The following MED27 variants were observed in gnomAD, a reference collection of about 807,000 sequenced individuals.
MED27 encodes mediator of RNA polymerase II transcription subunit 27.
In MED27, 30 loss-of-function variants were observed where a neutral mutation model predicts 38.2. The observed-to-expected ratio is 0.79, with a 90% CI of 0.59 to 1.07. The LOEUF is 1.07. MED27 is among the 50% of genes least tolerant of loss of function. MED27 has a pLI of 0.00. For missense variants in MED27, 289 were observed against 397.5 expected, an observed-to-expected ratio of 0.73 and a Z score of 2.32; for synonymous variants, 122 against 153.5, an observed-to-expected ratio of 0.79 and a Z score of 1.52.
At chr9:131,946,820 T>G (rs1648834754) in intron 3 of MED27, among the ~76,000 whole-genome samples, 1 of 152,236 alleles carries the variant, frequency 6.6e-6, no homozygotes, top group Admixed American at 6.5e-5. Context: ...CTATTCATGC[T>G]TCCGTCTTTG....
chr9:131,952,728 C>T (rs1278554778), intron 3 of MED27, among the ~76,000 whole-genome samples: 2 of 152,242 alleles, frequency 1.3e-5, no homozygotes, highest in Non-Finnish European at 1.5e-5. Context: ...CAGGATCCCT[C>T]TCCACGCAGC....
At chr9:131,974,238 T>C (rs141173877) in intron 3 of MED27, among the ~76,000 whole-genome samples, 1 of 152,368 alleles carries the variant, frequency 6.6e-6, no homozygotes, top group Non-Finnish European at 1.5e-5. Context: ...TGTCTTGTTA[T>C]AAATGCATTG....
intron 6 of MED27, among the ~76,000 whole-genome samples, chr9:131,878,166 T>C (rs1838970803): frequency 6.6e-6 from 1 of 151,408 alleles, no homozygotes. Flanking sequence ...CCCAACTACT[T>C]AGGGGCTGAG....
At chr9:132,069,308 T>C (rs543291876) in intron 2 of MED27, among the ~76,000 whole-genome samples, 1 of 151,788 alleles carries the variant, frequency 6.6e-6, no homozygotes, top group South Asian at 2.1e-4. Context: ...TTCCTGCTCT[T>C]TTACAGAAAA....
chr9:131,877,454 T>C (rs1030561408), intron 6 of MED27, among the ~76,000 whole-genome samples: 1 of 152,088 alleles, frequency 6.6e-6, no homozygotes, highest in East Asian at 1.9e-4. Flanking sequence ...TGCACACCTA[T>C]AGTCTCAGCT....
In MED27 at chr9:132,073,878, G is replaced by A. The variant is rs114790904; in HGVS notation, c.348+3564C>T. The A allele has an allele frequency of 9.6e-4, 1,143 of 1,189,692 alleles. 9 individuals are homozygous for A. The African/African-American group carries it at 0.016, about 17-fold the overall frequency. The allele number at this position is 1,189,692 out of a possible 1,614,324, so 73.7% of individuals were successfully genotyped here. Reference sequence around the variant, plus strand: ...GCTTCAGATGTTGCCAGGGAAAGGCGGACGTCTTAGTCTGCTTTTCCAGGC... The same window carrying A: ...GCTTCAGATGTTGCCAGGGAAAGGCAGACGTCTTAGTCTGCTTTTCCAGGC... On this transcript the variant is annotated intron_variant, in intron 2 of 7. Transcript: ENST00000292035.
At position 131,872,929 on chromosome 9, in the gene MED27, C is replaced by T. The variant is rs533682984; in HGVS notation, c.724-9789G>A. ...ACAGCACTGTCCTCTGTGTGGGAAG[C>T]CTCTGTGCCGCTCAGCCAGACTTTG... is the stretch of plus-strand genomic sequence containing the variant. On this transcript the variant is annotated intron_variant, in intron 6 of 7. Coordinates refer to ENST00000292035, the MANE Select transcript of MED27 (RefSeq NM_004269.4). The surrounding 1 kb of genome is among the most constrained non-coding windows in gnomAD (Gnocchi z 5.6). 1.3e-5 allele frequency among the ~76,000 whole-genome samples: 2 copies of T among 152,370 alleles called. No individual in the cohort carries two copies. Among genetic ancestry groups the T allele is most frequent in the Admixed American group, 6.5e-5 (1 of 15,312 alleles).
At chr9:131,877,701 T>A (rs1277840459) in intron 6 of MED27, among the ~76,000 whole-genome samples, 2 of 152,170 alleles carry the variant, frequency 1.3e-5, no homozygotes, top group East Asian at 3.8e-4. Flanking sequence ...GGGTGACGGT[T>A]CCAATCCCTG....
At chr9:132,040,423 G>C (rs1003898800) in intron 2 of MED27, among the ~76,000 whole-genome samples, 2 of 152,208 alleles carry the variant, frequency 1.3e-5, no homozygotes, top group African/African-American at 4.8e-5. Context: ...TGGGGCCGTG[G>C]AGAGCGGCTG....
intron 4 of MED27, among the ~76,000 whole-genome samples, chr9:131,914,392 G>T (rs933541711): frequency 2.6e-5 from 4 of 152,190 alleles, no homozygotes; most frequent in African/African-American, 9.7e-5. Context: ...AAGTTCTTCT[G>T]CCTCTCTGTG....
intron 3 of MED27, among the ~76,000 whole-genome samples, chr9:131,953,912 G>A (rs1218901417): frequency 6.6e-6 from 1 of 151,478 alleles, no homozygotes; most frequent in Admixed American, 6.6e-5. Context: ...CTGCCTCCCG[G>A]GTTCAAGTGA....
intron 3 of MED27, among the ~76,000 whole-genome samples, chr9:131,945,199 T>A (rs1407557825): frequency 6.7e-6 from 1 of 149,918 alleles, no homozygotes; most frequent in African/African-American, 2.4e-5. Context: ...GAAGTGAACA[T>A]AACTGAAATG....
intron 3 of MED27, among the ~76,000 whole-genome samples, chr9:132,011,103 T>C (rs79851507): frequency 3.3e-5 from 5 of 152,152 alleles, no homozygotes; most frequent in African/African-American, 1.2e-4. Context: ...CAAATTTGAA[T>C]AGTCCATAGA....
intron 3 of MED27, among the ~76,000 whole-genome samples, chr9:132,000,012 A>C (rs1014202975): frequency 1.3e-5 from 2 of 152,112 alleles, no homozygotes; most frequent in African/African-American, 4.8e-5. Flanking sequence ...GACAGGCTCT[A>C]CATTAAGGCA....
chr9:131,860,638 G>A lies in MED27; in HGVS notation c.836C>T (p.Ala279Val). 1 of 1,613,198 alleles carries A rather than the reference G, an allele frequency of 6.2e-7. No homozygotes were observed. Among genetic ancestry groups the A allele is most frequent in the South Asian group, 1.1e-5 (1 of 90,834 alleles). Residue 279 changes from alanine (A) to valine (V), a missense_variant, in exon 8 of 8, where the codon GCC becomes GTC. By Grantham distance (64) the Ala-to-Val change is moderately conservative. Coordinates refer to ENST00000292035, the MANE Select transcript of MED27 (RefSeq NM_004269.4). The surrounding 1 kb of genome is among the most constrained non-coding windows in gnomAD (Gnocchi z 5.8). The stretch of plus-strand genomic sequence containing the variant: ...AAACTTCCCGCAGCGCTGGCACGGG[G>A]CCTGGAACAGCTTTATGTAACTTCT... ...WLRSYIKLFQ[A>V]PCQRCGKFLQ...
intron 4 of MED27, among the ~76,000 whole-genome samples, chr9:131,902,829 G>A (rs1046310332): frequency 6.6e-6 from 1 of 152,104 alleles, no homozygotes; most frequent in African/African-American, 2.4e-5. Context: ...CTGAATTTAG[G>A]GTCTGTTTGC....
At chr9:131,894,556 G>C (rs1829794597) in intron 4 of MED27, among the ~76,000 whole-genome samples, 1 of 151,658 alleles carries the variant, frequency 6.6e-6, no homozygotes, top group East Asian at 1.9e-4. Context: ...CTTCAAAAAA[G>C]AAACATGATC....
At chr9:132,021,617 G>C (rs1196492185) in intron 2 of MED27, among the ~76,000 whole-genome samples, 1 of 152,190 alleles carries the variant, frequency 6.6e-6, no homozygotes, top group Admixed American at 6.5e-5. Context: ...GGGTCATAAA[G>C]AAAGATCATG....
intron 4 of MED27, among the ~76,000 whole-genome samples, chr9:131,926,148 G>T (rs1363657113): frequency 6.6e-6 from 1 of 152,156 alleles, no homozygotes. Context: ...TATGCAAGTT[G>T]CTGGTCTCTT....
Sources: gnomAD v4.1 joint callset for allele counts (sites outside exome capture counted in the v4.1 genomes callset) on GRCh38, gnomAD v4.1.1 for gene constraint, Gnocchi (gnomAD v3.1) non-coding constraint, MANE v1.5 for transcripts, NCBI Gene and HGNC (gene_info 2026-07-23, HGNC 2026-07-21) for gene names.